Variants in UGT1A8 observed in about 807,000 individuals in gnomAD.
UGT1A8 encodes UDP glucuronosyltransferase family 1 member A8.
In UGT1A8, 39 loss-of-function variants were observed where a neutral mutation model predicts 45.3. That is an observed-to-expected ratio of 0.86 (90% CI 0.67 to 1.12). The LOEUF is 1.12. UGT1A8 is among the 50% of genes most tolerant of loss of function. UGT1A8 has a pLI of 0.00. For synonymous variants in UGT1A8, 275 were observed against 249.2 expected (o/e 1.10, Z -0.97); for missense variants, 719 against 664.9 (o/e 1.08, Z -0.90).
rs754634228 is a variant in UGT1A8, at chr2:233,718,864, G to T, written c.856-48170G>T. On this transcript the variant is annotated intron_variant, in intron 1 of 4. Coordinates refer to ENST00000373450, the MANE Select transcript of UGT1A8 (RefSeq NM_019076.5). ...GTTCCCCTGCCGCGGCTGGCCACAG[G>T]ACTGCTGCTCCTCCTCAGTGTCCAG... 1 of 1,613,858 alleles carries T rather than the reference G, an allele frequency of 6.2e-7. No homozygotes were observed. The highest frequency in any genetic ancestry group is 2.2e-5 in the East Asian group (1 of 44,890).
At chr2:233,663,609 C>T (rs1475684734) in intron 1 of UGT1A8, among the ~76,000 whole-genome samples, 2 of 152,156 alleles carry the variant, frequency 1.3e-5, no homozygotes, top group Non-Finnish European at 2.9e-5. Context: ...AATTTCTAAT[C>T]TTGTGGCTAA....
Position 233,674,920 on chromosome 2 carries a change from G to C in UGT1A8, c.855+56358G>C, listed in dbSNP as rs181012104. 4.0e-4 allele frequency among the ~76,000 whole-genome samples: 61 copies of C among 152,302 alleles called. No individual in the cohort carries two copies. The East Asian group carries it at 9.3e-3, about 23-fold the overall frequency. The stretch of plus-strand genomic sequence containing the variant: ...TTCCTTGTTTCAGATGCCAGGATGT[G>C]TCTGGGAAAAGCATGCAGTTGGTTA... On this transcript the variant is annotated intron_variant, in intron 1 of 4. Coordinates refer to ENST00000373450, the MANE Select transcript of UGT1A8 (RefSeq NM_019076.5).
intron 1 of UGT1A8, among the ~76,000 whole-genome samples, chr2:233,697,448 C>G (rs780047517): frequency 9.4e-5 from 14 of 149,256 alleles, no homozygotes; most frequent in Admixed American, 3.3e-4. Context: ...CTGATTTTAT[C>G]TGAGTGTTTT....
chr2:233,736,069 TTGGGAAGTTCTCC>T (rs1429776969), intron 1 of UGT1A8, among the ~76,000 whole-genome samples: 1 of 152,194 alleles, frequency 6.6e-6, no homozygotes, highest in African/African-American at 2.4e-5. Flanking sequence ...CTTGCTAGGT[TTGGGAAGTTCTCC>T]TGGATAATAT....
chr2:233,621,927 G>C (rs1440193463), intron 1 of UGT1A8, among the ~76,000 whole-genome samples: 7 of 151,970 alleles, frequency 4.6e-5, no homozygotes, highest in Admixed American at 4.6e-4. Context: ...TCCCCTCCCT[G>C]TATCCATGAG....
intron 1 of UGT1A8, among the ~76,000 whole-genome samples, chr2:233,717,585 G>A (rs1198463102): frequency 2.6e-5 from 4 of 152,254 alleles, no homozygotes; most frequent in Admixed American, 6.5e-5. Context: ...AGACACAGAG[G>A]TAGTGAGATG....
At chr2:233,658,210 G>C (rs985871352) in intron 1 of UGT1A8, among the ~76,000 whole-genome samples, 1 of 151,932 alleles carries the variant, frequency 6.6e-6, no homozygotes, top group Non-Finnish European at 1.5e-5. Flanking sequence ...GTAGACACAG[G>C]GTTTCACCAT....
intron 1 of UGT1A8, chr2:233,748,001 G>A: frequency 6.2e-7 from 1 of 1,613,512 alleles, no homozygotes; most frequent in Non-Finnish European, 8.5e-7. Context: ...ACTTTGTGAT[G>A]GATTACCCCA....
intron 1 of UGT1A8, among the ~76,000 whole-genome samples, chr2:233,683,102 A>G (rs1326746193): frequency 1.3e-5 from 2 of 152,156 alleles, no homozygotes; most frequent in Non-Finnish European, 2.9e-5. Flanking sequence ...CTAATTCTAC[A>G]CTACCCCCAG....
chr2:233,748,554 C>G (rs1045487950), intron 1 of UGT1A8, among the ~76,000 whole-genome samples: 1 of 151,692 alleles, frequency 6.6e-6, no homozygotes, highest in African/African-American at 2.4e-5. Context: ...CCTAAGCACT[C>G]GCAGGAAGTA....
At chr2:233,620,428 T>A (rs1394779959) in intron 1 of UGT1A8, among the ~76,000 whole-genome samples, 1 of 152,110 alleles carries the variant, frequency 6.6e-6, no homozygotes, top group African/African-American at 2.4e-5. Context: ...CCACACTGAG[T>A]TTATTGTGGC....
intron 1 of UGT1A8, chr2:233,754,389 C>A: frequency 3.3e-6 from 1 of 302,106 alleles, no homozygotes; most frequent in Non-Finnish European, 6.5e-6. Context: ...AAACAGAGGT[C>A]CTATCCGTGC....
chr2:233,720,860 T>C (rs2076898580), intron 1 of UGT1A8, among the ~76,000 whole-genome samples: 2 of 148,966 alleles, frequency 1.3e-5, no homozygotes, highest in African/African-American at 5.0e-5. Flanking sequence ...CATGTGCCAC[T>C]GCTCCTGGCA....
chr2:233,629,338 C>T (rs140979683), intron 1 of UGT1A8, among the ~76,000 whole-genome samples: 6 of 152,194 alleles, frequency 3.9e-5, no homozygotes, highest in Non-Finnish European at 8.8e-5. Flanking sequence ...TGTATACATA[C>T]ACCACATTTT....
intron 1 of UGT1A8, among the ~76,000 whole-genome samples, chr2:233,737,934 C>T (rs1461776263): frequency 1.3e-5 from 2 of 152,038 alleles, no homozygotes; most frequent in East Asian, 3.9e-4. Flanking sequence ...AGTAGTGAGT[C>T]CATTGACTGT....
chr2:233,732,680 C>A (rs899691828), intron 1 of UGT1A8, among the ~76,000 whole-genome samples: 4 of 151,836 alleles, frequency 2.6e-5, no homozygotes, highest in African/African-American at 9.7e-5. Context: ...TGTTTTGGTA[C>A]CAGCACCCAT....
chr2:233,725,053 GGC>G (rs1559369994), intron 1 of UGT1A8, among the ~76,000 whole-genome samples: 2 of 147,608 alleles, frequency 1.4e-5, no homozygotes, highest in African/African-American at 5.1e-5. Flanking sequence ...CAGGCGTGGC[GGC>G]GCGCGCCTGC....
intron 1 of UGT1A8, among the ~76,000 whole-genome samples, chr2:233,666,206 T>G (rs1383079657): frequency 6.6e-6 from 1 of 152,124 alleles, no homozygotes; most frequent in Non-Finnish European, 1.5e-5. Context: ...TTGCTGAAAC[T>G]AATAGATGGG....
At chr2:233,759,132 G>T (rs532304308) in intron 1 of UGT1A8, among the ~76,000 whole-genome samples, 5 of 152,204 alleles carry the variant, frequency 3.3e-5, no homozygotes, top group African/African-American at 9.7e-5. Context: ...CCTCTGGTAC[G>T]CAATGAAGGT....
Sources: allele counts gnomAD v4.1 joint callset (sites outside exome capture counted in the v4.1 genomes callset), GRCh38; gene constraint gnomAD v4.1.1; transcripts MANE v1.5; gene names NCBI Gene and HGNC (gene_info 2026-07-23, HGNC 2026-07-21).